The following RHEX variants were observed in gnomAD, a reference collection of about 807,000 sequenced individuals.
The protein encoded by RHEX is regulator of hemoglobinization and erythroid cell expansion, also known as regulator of hemoglobinization and erythroid cell expansion protein.
A neutral mutation model predicts 20.1 loss-of-function variants in RHEX; 18 were observed. The observed-to-expected ratio is 0.90, with a 90% CI of 0.62 to 1.33. The LOEUF (loss-of-function observed/expected upper bound fraction) is 1.33. Ranked by LOEUF, RHEX falls within the 40% of genes most tolerant of loss-of-function variation. RHEX has a pLI of 0.00. For missense variants in RHEX, 192 were observed against 214.3 expected, an observed-to-expected ratio of 0.90 and a Z score of 0.65; for synonymous variants, 87 against 77.1, an observed-to-expected ratio of 1.13 and a Z score of -0.67.
Position 206,102,100 on chromosome 1 carries a change from A to G in RHEX, c.*148A>G, listed in dbSNP as rs782267486. 4.2e-6 allele frequency: 3 copies of G among 707,338 alleles called. No homozygotes were observed. The highest frequency in any genetic ancestry group is 7.3e-6 in the Non-Finnish European group (3 of 409,358). The allele number at this position is 707,338 out of a possible 1,614,324, so 43.8% of individuals were successfully genotyped here. A position where few individuals can be genotyped will look rare whatever the true frequency, so the allele number is the denominator to read the frequency against. On this transcript the variant is annotated 3_prime_UTR_variant, in exon 6 of 6. Transcript: ENST00000331555. ...AAGAATGTGGAGAAGAAAACTGATAAATACACAGAGGTCCTCAAGACCCAT... is the reference window on the plus strand; with the variant it reads ...AAGAATGTGGAGAAGAAAACTGATAGATACACAGAGGTCCTCAAGACCCAT...
At chr1:206,089,381 GT>G (rs1553286736) in intron 1 of RHEX, among the ~76,000 whole-genome samples, 1 of 152,050 alleles carries the variant, frequency 6.6e-6, no homozygotes, top group Non-Finnish European at 1.5e-5. Flanking sequence ...TATATTTTAT[GT>G]AGCTAAATAC....
intron 1 of RHEX, among the ~76,000 whole-genome samples, chr1:206,069,647 G>C (rs1023744861): frequency 2.2e-4 from 34 of 152,276 alleles, no homozygotes; most frequent in African/African-American, 7.9e-4. Context: ...CTTCAATACA[G>C]AATTAGTCTT....
intron 1 of RHEX, 38 bp from the exon 2 acceptor site, chr1:206,097,695 G>C: frequency 1.5e-6 from 2 of 1,371,914 alleles, no homozygotes; most frequent in South Asian, 1.2e-5. Flanking sequence ...TTTGTATAAA[G>C]AGCCCTGGAG....
At chr1:206,097,965 T>G in intron 2 of RHEX, 116 bp from the exon 3 acceptor site, 2 of 1,167,874 alleles carry the variant, frequency 1.7e-6, no homozygotes, top group Non-Finnish European at 2.6e-6. Context: ...CAAAGGGACC[T>G]ACCCTGGGAC....
chr1:206,070,906 A>G (rs1429128061), intron 1 of RHEX, among the ~76,000 whole-genome samples: 1 of 152,180 alleles, frequency 6.6e-6, no homozygotes, highest in Non-Finnish European at 1.5e-5. Flanking sequence ...CACCTGTAAA[A>G]TTGAAATAAT....
At chr1:206,095,209 A>G (rs1209085889) in intron 1 of RHEX, among the ~76,000 whole-genome samples, 1 of 152,172 alleles carries the variant, frequency 6.6e-6, no homozygotes. Context: ...GCCTTTAGGG[A>G]TTAGTCAGGA....
intron 1 of RHEX, among the ~76,000 whole-genome samples, chr1:206,054,812 G>T (rs1024878304): frequency 1.3e-5 from 2 of 152,202 alleles, no homozygotes; most frequent in African/African-American, 2.4e-5. Context: ...AATCATACAA[G>T]AAACATTATT....
At chr1:206,075,513 T>TAA (rs1662621001) in intron 1 of RHEX, among the ~76,000 whole-genome samples, 1 of 152,030 alleles carries the variant, frequency 6.6e-6, no homozygotes, top group Admixed American at 6.5e-5. Context: ...TAAACTATTG[T>TAA]GGTGACAAAG....
chr1:206,058,383 A>G (rs1571849492), intron 1 of RHEX, among the ~76,000 whole-genome samples: 1 of 152,270 alleles, frequency 6.6e-6, no homozygotes, highest in East Asian at 1.9e-4. Context: ...CAAAAATAAG[A>G]GTGAGAACTC....
At chr1:206,062,693 C>T (rs1662330296) in intron 1 of RHEX, among the ~76,000 whole-genome samples, 1 of 152,198 alleles carries the variant, frequency 6.6e-6, no homozygotes, top group East Asian at 1.9e-4. Context: ...GGTGAGCTCC[C>T]AGGAAGCATG....
At position 206,101,214 on chromosome 1, in the gene RHEX, G is replaced by T; in HGVS notation, c.318+17G>T. ...GCCTGCCAGGTAATGGATGTGCCTA[G>T]TGATCTCAGACGAACATATGCAGTC... On this transcript the variant is annotated intron_variant, in intron 5 of 5. Transcript: ENST00000331555. 1 of 1,600,686 alleles carries T rather than the reference G, an allele frequency of 6.2e-7. No individual in the cohort carries two copies. Among genetic ancestry groups the T allele is most frequent in the Non-Finnish European group, 8.5e-7 (1 of 1,171,842 alleles).
In RHEX at chr1:206,097,782, G is replaced by T. The variant is rs782223903; in HGVS notation, c.-47G>T. The T allele has an allele frequency of 6.2e-7, 1 of 1,614,132 alleles. No homozygotes were observed. The highest frequency in any genetic ancestry group is 8.5e-7 in the Non-Finnish European group (1 of 1,179,994). The stretch of plus-strand genomic sequence containing the variant: ...CTACTGAGAGACGAGGTGCCAGGGT[G>T]GTTCCTGAAAGTGCCTGAGCCCCAA... On this transcript the variant is annotated 5_prime_UTR_variant, in exon 2 of 6. Coordinates refer to ENST00000331555, the MANE Select transcript of RHEX (RefSeq NM_001007544.4).
intron 1 of RHEX, among the ~76,000 whole-genome samples, chr1:206,081,727 A>G (rs1456558992): frequency 6.6e-6 from 1 of 152,198 alleles, no homozygotes; most frequent in Non-Finnish European, 1.5e-5. Context: ...TAACAATCCT[A>G]TGATCTTGTG....
chr1:206,064,744 C>T (rs1662389648), intron 1 of RHEX, among the ~76,000 whole-genome samples: 1 of 151,990 alleles, frequency 6.6e-6, no homozygotes, highest in South Asian at 2.1e-4. Context: ...TGAGGAGCCC[C>T]TCTGCCCGGC....
Position 206,067,259 on chromosome 1 carries a change from G to C in RHEX, c.-97+13994G>C, listed in dbSNP as rs1278662276. 6.6e-6 allele frequency among the ~76,000 whole-genome samples: 1 copy of C among 152,186 alleles called. No individual in the cohort carries two copies. The highest frequency in any genetic ancestry group is 1.5e-5 in the Non-Finnish European group (1 of 68,026). On this transcript the variant is annotated intron_variant, in intron 1 of 5. Coordinates refer to ENST00000331555, the MANE Select transcript of RHEX (RefSeq NM_001007544.4). This position sits in a 1 kb window ranked among gnomAD's most constrained non-coding sequence, Gnocchi z 4.6. ...TCCATTCAGTCTGTCAGAGGCATCA[G>C]ATTTCATTCTGGTTCCACAGGGGAC...
rs1387474295 is a variant in RHEX at position 206,064,388 on chromosome 1, T to TG, written c.-97+11130dup. 1.5e-3 allele frequency among the ~76,000 whole-genome samples: 93 copies of TG among 61,166 alleles called. 1 individual carries two copies. The highest frequency in any genetic ancestry group is 5.6e-3 in the African/African-American group (88 of 15,626). 40.1% of individuals were successfully genotyped at this position (61,166 alleles called of 152,430 possible). On this transcript the variant is annotated intron_variant, in intron 1 of 5. Transcript: ENST00000331555. ...CCAGCTGCCCCGTCCGGGAGGGAGG[T>TG]GGGGGGGTCAGCCCCCCGCCCGGCC...
rs552444593 is a variant in RHEX, at chr1:206,100,793, T to C, written c.257-343T>C. Among the ~76,000 whole-genome samples the C allele has an allele frequency of 2.4e-4, 36 of 152,364 alleles. No individual in the cohort carries two copies. In the South Asian group the frequency reaches 7.2e-3, roughly 31 times the overall value. On this transcript the variant is annotated intron_variant, in intron 4 of 5. Coordinates refer to ENST00000331555, the MANE Select transcript of RHEX (RefSeq NM_001007544.4). Reference sequence around the variant, plus strand: ...TCACATTGTCCCAGCATGTTCCTCCTGACTTTTCTTTCTGGAAGACAGCCC... The same window carrying C: ...TCACATTGTCCCAGCATGTTCCTCCCGACTTTTCTTTCTGGAAGACAGCCC...
chr1:206,101,024 T>C, intron 4 of RHEX, 112 bp from the exon 5 acceptor site: 1 of 779,144 alleles, frequency 1.3e-6, no homozygotes, highest in East Asian at 2.7e-5. Flanking sequence ...TGTTGCTGGC[T>C]CTGCCTCTGT....
chr1:206,061,719 AAGG>A (rs1373914668), intron 1 of RHEX: 3 of 152,294 alleles, frequency 2.0e-5, no homozygotes, highest in Admixed American at 1.3e-4. Flanking sequence ...GGCTCCCCAG[AAGG>A]AGGACGACTT....
Sources: allele counts gnomAD v4.1 joint callset (sites outside exome capture counted in the v4.1 genomes callset), GRCh38; gene constraint gnomAD v4.1.1; non-coding constraint Gnocchi (gnomAD v3.1); transcripts MANE v1.5; gene names NCBI Gene and HGNC (gene_info 2026-07-23, HGNC 2026-07-21).